FARS2: variants seen among roughly 807,000 people sequenced by gnomAD.
FARS2 encodes phenylalanine--tRNA ligase, mitochondrial.
In FARS2, 40 loss-of-function variants were observed where a neutral mutation model predicts 46.4. The ratio of observed to expected loss-of-function variants is 0.86; its 90% confidence interval spans 0.67 to 1.12. FARS2 has a LOEUF of 1.12. FARS2 is among the 50% of genes most tolerant of loss of function. The probability of loss-of-function intolerance (pLI) is 0.00; values close to 1 mark genes in which losing one functional copy is unlikely to be tolerated. For missense variants in FARS2, 513 were observed against 567.9 expected (o/e 0.90, Z 0.98); for synonymous variants, 234 against 214.9 (o/e 1.09, Z -0.78).
intron 5 of FARS2, among the ~76,000 whole-genome samples, chr6:5,576,464 C>A (rs1258024556): frequency 6.6e-6 from 1 of 151,878 alleles, no homozygotes; most frequent in Non-Finnish European, 1.5e-5. Context: ...CTCGTACTGG[C>A]TTTCGTGCTC....
chr6:5,670,576 T>C (rs74381591), intron 6 of FARS2, among the ~76,000 whole-genome samples: 2,632 of 152,328 alleles, frequency 0.017, 77 homozygotes, highest in African/African-American at 0.06. Flanking sequence ...AATATCATAA[T>C]ATTTTATAAG....
intron 1 of FARS2, among the ~76,000 whole-genome samples, chr6:5,360,234 C>T (rs1758214856): frequency 6.6e-6 from 1 of 152,128 alleles, no homozygotes; most frequent in Non-Finnish European, 1.5e-5. Context: ...CTTGTTTTTT[C>T]TTGAGCTCAC....
intron 4 of FARS2, among the ~76,000 whole-genome samples, chr6:5,481,094 G>A (rs1000685091): frequency 1.3e-5 from 2 of 152,186 alleles, no homozygotes; most frequent in South Asian, 2.1e-4. Flanking sequence ...CTTTATGCAC[G>A]TCTTACACCT....
intron 6 of FARS2, among the ~76,000 whole-genome samples, chr6:5,706,486 G>A (rs1758775463): frequency 6.6e-6 from 1 of 152,174 alleles, no homozygotes; most frequent in East Asian, 1.9e-4. Flanking sequence ...TGGCAGCATT[G>A]CTGACTTCTT....
At chr6:5,638,023 AT>A (rs1185508594) in intron 6 of FARS2, among the ~76,000 whole-genome samples, 2 of 152,174 alleles carry the variant, frequency 1.3e-5, no homozygotes, top group Admixed American at 1.3e-4. Flanking sequence ...ATAGCCATAA[AT>A]TTCAGTCCAT....
chr6:5,315,734 CTTTT>C (rs929921748), intron 1 of FARS2, among the ~76,000 whole-genome samples: 10 of 147,076 alleles, frequency 6.8e-5, no homozygotes, highest in African/African-American at 1.8e-4. Flanking sequence ...TTCTTTCTTT[CTTTT>C]TTCCTTTCTT....
chr6:5,506,593 C>A (rs1024101141), intron 4 of FARS2, among the ~76,000 whole-genome samples: 7 of 152,260 alleles, frequency 4.6e-5, no homozygotes, highest in Middle Eastern at 3.4e-3. Context: ...CCCACCACTG[C>A]CTAAGATTCC....
At chr6:5,540,519 A>G (rs1301348670) in intron 4 of FARS2, among the ~76,000 whole-genome samples, 1 of 152,218 alleles carries the variant, frequency 6.6e-6, no homozygotes, top group Admixed American at 6.5e-5. Flanking sequence ...TCTCTGAGAC[A>G]TCATTCATTC....
intron 2 of FARS2, among the ~76,000 whole-genome samples, chr6:5,370,116 A>T (rs888629150): frequency 6.6e-6 from 1 of 152,228 alleles, no homozygotes; most frequent in East Asian, 1.9e-4. Flanking sequence ...TCTCCTGCCA[A>T]CGTAAGCTAA....
At chr6:5,302,520 C>T (rs1389353223) in intron 1 of FARS2, among the ~76,000 whole-genome samples, 5 of 152,198 alleles carry the variant, frequency 3.3e-5, no homozygotes, top group African/African-American at 1.2e-4. Flanking sequence ...TAGCACAGTT[C>T]TCAGAGCTTT....
At chr6:5,435,642 C>T (rs1039846184) in intron 4 of FARS2, among the ~76,000 whole-genome samples, 3 of 152,142 alleles carry the variant, frequency 2.0e-5, no homozygotes, top group East Asian at 1.9e-4. Context: ...TCCCCAAATA[C>T]TACACACTTG....
At chr6:5,770,129 G>T (rs368829460) in intron 6 of FARS2, among the ~76,000 whole-genome samples, 2 of 152,290 alleles carry the variant, frequency 1.3e-5, no homozygotes, top group African/African-American at 4.8e-5. Context: ...GGAAGCAAAG[G>T]CTCTGGACTC....
intron 1 of FARS2, among the ~76,000 whole-genome samples, chr6:5,325,728 T>C (rs1196704666): frequency 6.6e-6 from 1 of 152,192 alleles, no homozygotes; most frequent in Non-Finnish European, 1.5e-5. Context: ...TTTTTTTCTA[T>C]TATTAAGTTT....
intron 6 of FARS2, among the ~76,000 whole-genome samples, chr6:5,703,485 T>C (rs892505670): frequency 6.6e-6 from 1 of 152,210 alleles, no homozygotes; most frequent in Admixed American, 6.5e-5. Context: ...AGCTATCCCA[T>C]TGTATTCTTA....
intron 6 of FARS2, among the ~76,000 whole-genome samples, chr6:5,634,657 C>A (rs1425931265): frequency 6.6e-6 from 1 of 152,164 alleles, no homozygotes; most frequent in Non-Finnish European, 1.5e-5. Context: ...GTATATGAAG[C>A]AATTCATTTG....
Position 5,667,559 on chromosome 6 carries a change from A to G in FARS2, c.1217+54239A>G, listed in dbSNP as rs1326950994. Among the ~76,000 whole-genome samples, 3 of 152,228 alleles carry G rather than the reference A, an allele frequency of 2.0e-5. No individual in the cohort carries two copies. The East Asian group carries it at 5.8e-4, about 29-fold the overall frequency. On this transcript the variant is annotated intron_variant, in intron 6 of 6. Transcript: ENST00000274680. ...GATTATATTCTTTGTTGAATATAAC[A>G]AAGTGAATATAAACAAAATGAAAAT...
chr6:5,508,081 T>C (rs548399577), intron 4 of FARS2, among the ~76,000 whole-genome samples: 10 of 152,352 alleles, frequency 6.6e-5, no homozygotes, highest in Non-Finnish European at 1.5e-4. Flanking sequence ...TAAGTTCCTC[T>C]ACTTATTTTC....
intron 5 of FARS2, among the ~76,000 whole-genome samples, chr6:5,588,567 T>C (rs576248588): frequency 1.3e-5 from 2 of 152,276 alleles, no homozygotes; most frequent in East Asian, 1.9e-4. Flanking sequence ...GCTCACCTTT[T>C]CGCTTTTCTT....
chr6:5,515,564 G>A (rs1005114360), intron 4 of FARS2, among the ~76,000 whole-genome samples: 1 of 152,160 alleles, frequency 6.6e-6, no homozygotes, highest in African/African-American at 2.4e-5. Context: ...AAGTAGTTGG[G>A]ATTATAGATG....
Sources: gnomAD v4.1 joint callset for allele counts (sites outside exome capture counted in the v4.1 genomes callset) on GRCh38, gnomAD v4.1.1 for gene constraint, MANE v1.5 for transcripts, NCBI Gene and HGNC (gene_info 2026-07-23, HGNC 2026-07-21) for gene names.